The following ITGB3BP variants were observed in gnomAD, a reference collection of about 807,000 sequenced individuals.
ITGB3BP encodes centromere protein R.
ITGB3BP carries 27 observed loss-of-function variants against 29.1 expected under a neutral mutation model. That is an observed-to-expected ratio of 0.93 (90% CI 0.68 to 1.28). The LOEUF (loss-of-function observed/expected upper bound fraction) is 1.28. ITGB3BP is among the 50% of genes most tolerant of loss of function. ITGB3BP has a pLI of 0.00. For synonymous variants in ITGB3BP, 61 were observed against 61.4 expected, an observed-to-expected ratio of 0.99 and a Z score of 0.03; for missense variants, 192 against 200.2, an observed-to-expected ratio of 0.96 and a Z score of 0.25.
intron 3 of ITGB3BP, among the ~76,000 whole-genome samples, chr1:63,479,705 T>C (rs1250542859): frequency 6.6e-6 from 1 of 152,150 alleles, no homozygotes; most frequent in Non-Finnish European, 1.5e-5. Flanking sequence ...TATGTGTCTT[T>C]CTGTGCCTGG....
upstream of ITGB3BP, chr1:63,523,612 C>G (rs933561234): frequency 5.4e-6 from 1 of 186,630 alleles, no homozygotes; most frequent in Non-Finnish European, 1.2e-5. Context: ...GGCTGCGCTT[C>G]CTTGTTTGTG....
intron 2 of ITGB3BP, among the ~76,000 whole-genome samples, chr1:63,501,307 T>A (rs917666063): frequency 6.6e-6 from 1 of 151,864 alleles, no homozygotes; most frequent in Non-Finnish European, 1.5e-5. Flanking sequence ...AAAAGGACAA[T>A]CAAAGAAAGA....
At position 63,446,047 on chromosome 1, in the gene ITGB3BP, C is replaced by T. The variant is rs531296473; in HGVS notation, c.*1+759G>A. 7.2e-5 allele frequency among the ~76,000 whole-genome samples: 11 copies of T among 152,022 alleles called. No individual in the cohort carries two copies. The South Asian group carries it at 1.2e-3, about 17-fold the overall frequency. On this transcript the variant is annotated intron_variant, in intron 8 of 8. Transcript: ENST00000271002. ...GCCTCCTGAGTAGCTGGGATTCAGG[C>T]GCAAGCTAGCCGGCTAATTTTTTGT...
intron 2 of ITGB3BP, among the ~76,000 whole-genome samples, chr1:63,501,121 T>C (rs1009934193): frequency 3.9e-5 from 6 of 152,138 alleles, no homozygotes; most frequent in Non-Finnish European, 5.9e-5. Flanking sequence ...TGGATATCTG[T>C]TTCAGTAACT....
chr1:63,473,493 C>G (rs1426556391), intron 4 of ITGB3BP, among the ~76,000 whole-genome samples: 1 of 140,598 alleles, frequency 7.1e-6, no homozygotes, highest in African/African-American at 2.6e-5. Flanking sequence ...GCCCCCCGCC[C>G]GGCCAGCCGC....
At chr1:63,469,517 GGT>G (rs1299543706) in intron 4 of ITGB3BP, among the ~76,000 whole-genome samples, 4 of 151,980 alleles carry the variant, frequency 2.6e-5, no homozygotes, top group Non-Finnish European at 5.9e-5. Flanking sequence ...CTAGAGACGG[GGT>G]TTCTCCATGT....
At chr1:63,472,508 C>T (rs906764456) in intron 4 of ITGB3BP, among the ~76,000 whole-genome samples, 4 of 146,192 alleles carry the variant, frequency 2.7e-5, no homozygotes, top group African/African-American at 7.7e-5. Flanking sequence ...CCATGGTCTC[C>T]CTCTGATGCC....
At chr1:63,509,601 C>G (rs950971972) in intron 1 of ITGB3BP, among the ~76,000 whole-genome samples, 2 of 152,048 alleles carry the variant, frequency 1.3e-5, no homozygotes, top group African/African-American at 4.8e-5. Flanking sequence ...CTAAGAAAAT[C>G]ATTGAACAGT....
chr1:63,455,003 G>A, intron 4 of ITGB3BP, 35 bp from the exon 5 acceptor site: 1 of 1,057,494 alleles, frequency 9.5e-7, no homozygotes, highest in Non-Finnish European at 1.5e-6. Context: ...CTTAGCAAGG[G>A]GAAGCATTTA....
intron 2 of ITGB3BP, among the ~76,000 whole-genome samples, chr1:63,490,823 AT>A (rs1339793722): frequency 1.3e-5 from 2 of 152,140 alleles, no homozygotes; most frequent in East Asian, 1.9e-4. Flanking sequence ...CAGGTAACAT[AT>A]TTTAATAAGT....
chr1:63,525,224 T>C (rs1449400213), upstream of ITGB3BP, among the ~76,000 whole-genome samples: 1 of 152,226 alleles, frequency 6.6e-6, no homozygotes, highest in Admixed American at 6.5e-5. Context: ...AGAATAGATG[T>C]GTGCTCTTCC....
chr1:63,487,105 TG>T (rs1252474963), intron 3 of ITGB3BP, among the ~76,000 whole-genome samples: 1 of 152,074 alleles, frequency 6.6e-6, no homozygotes, highest in Non-Finnish European at 1.5e-5. Flanking sequence ...ATAATAAATT[TG>T]TGTATGTTTT....
chr1:63,487,082 A>C (rs1166838674), intron 3 of ITGB3BP, among the ~76,000 whole-genome samples: 1 of 152,048 alleles, frequency 6.6e-6, no homozygotes, highest in Non-Finnish European at 1.5e-5. Context: ...AGTTTTGATA[A>C]ATTTTATTTT....
At chr1:63,491,238 T>C (rs528726748) in intron 2 of ITGB3BP, among the ~76,000 whole-genome samples, 91 of 152,326 alleles carry the variant, frequency 6.0e-4, no homozygotes, top group African/African-American at 2.1e-3. Context: ...ATAAGCTTAC[T>C]GATCACCCAC....
chr1:63,483,905 T>C (rs551619683), intron 3 of ITGB3BP, among the ~76,000 whole-genome samples: 9 of 152,304 alleles, frequency 5.9e-5, no homozygotes, highest in African/African-American at 2.2e-4. Context: ...AAATGTGTAG[T>C]AGGCTATGAC....
intron 4 of ITGB3BP, among the ~76,000 whole-genome samples, chr1:63,472,710 C>T (rs1226579633): frequency 4.6e-5 from 7 of 151,386 alleles, no homozygotes; most frequent in African/African-American, 7.3e-5. Flanking sequence ...CTCCTAACCG[C>T]GAGTGATCCG....
At chr1:63,525,194 T>C (rs1431839194), upstream of ITGB3BP, among the ~76,000 whole-genome samples, 4 of 152,206 alleles carry the variant, frequency 2.6e-5, no homozygotes, top group East Asian at 1.9e-4. Flanking sequence ...AAGACTGTCA[T>C]CTGACTTTCG....
chr1:63,481,529 T>C (rs1645437346), intron 3 of ITGB3BP, among the ~76,000 whole-genome samples: 1 of 152,218 alleles, frequency 6.6e-6, no homozygotes, highest in Non-Finnish European at 1.5e-5. Flanking sequence ...CTTGTGAGAT[T>C]ATATGTAAAA....
Position 63,520,353 on chromosome 1 carries a change from ACTTC to A in ITGB3BP, c.5+2772_5+2775del, listed in dbSNP as rs1646419945. On this transcript the variant is annotated intron_variant, in intron 1 of 8. Coordinates refer to ENST00000271002, the MANE Select transcript of ITGB3BP (RefSeq NM_014288.5). ...TTACTCCAAAGTCCATGATTTTTCCACTTCAAATCTTTAAAAAGTGAAGGTTTCA... is the reference window on the plus strand; with the variant it reads ...TTACTCCAAAGTCCATGATTTTTCCAAAATCTTTAAAAAGTGAAGGTTTCA... Among the ~76,000 whole-genome samples the A allele has an allele frequency of 2.6e-5, 4 of 152,162 alleles. No homozygotes were observed. In the South Asian group the frequency reaches 8.3e-4, roughly 32 times the overall value.
Sources: gnomAD v4.1 joint callset for allele counts (sites outside exome capture counted in the v4.1 genomes callset) on GRCh38, gnomAD v4.1.1 for gene constraint, MANE v1.5 for transcripts, NCBI Gene and HGNC (gene_info 2026-07-23, HGNC 2026-07-21) for gene names.